The following MAML3 variants were observed in gnomAD, a reference collection of about 807,000 sequenced individuals.
The protein encoded by MAML3 is mastermind like transcriptional coactivator 3, also known as mastermind-like protein 3.
MAML3 carries 27 observed loss-of-function variants against 101.9 expected under a neutral mutation model. The ratio of observed to expected loss-of-function variants is 0.27; its 90% CI spans 0.20 to 0.37. The LOEUF is 0.37. MAML3 is among the 10% of genes least tolerant of loss of function. The pLI, the probability that MAML3 is intolerant of heterozygous loss-of-function variation, is 1.00. For synonymous variants in MAML3, 501 were observed against 555.9 expected, an observed-to-expected ratio of 0.90 and a Z score of 1.39; for missense variants, 1,316 against 1,444.9, an observed-to-expected ratio of 0.91 and a Z score of 1.45.
At chr4:139,943,213 T>C (rs1304983089) in intron 1 of MAML3, among the ~76,000 whole-genome samples, 1 of 152,192 alleles carries the variant, frequency 6.6e-6, no homozygotes, top group East Asian at 1.9e-4. Context: ...CTGCTTCTCT[T>C]ACAGAAGAGA....
At chr4:139,769,904 C>T (rs952456292) in intron 2 of MAML3, among the ~76,000 whole-genome samples, 5 of 140,562 alleles carry the variant, frequency 3.6e-5, no homozygotes, top group Admixed American at 1.5e-4. Context: ...CGTGAGCCAT[C>T]GCGCCCAGCC....
At chr4:140,009,601 A>G (rs1726515303) in intron 1 of MAML3, among the ~76,000 whole-genome samples, 1 of 152,348 alleles carries the variant, frequency 6.6e-6, no homozygotes, top group Non-Finnish European at 1.5e-5. Context: ...ACATCACTTC[A>G]CTAAATTCTC....
At position 140,020,152 on chromosome 4, in the gene MAML3, T is replaced by C. The variant is rs575780139; in HGVS notation, c.469-129185A>G. 7.2e-5 allele frequency among the ~76,000 whole-genome samples: 11 copies of C among 152,324 alleles called. No individual in the cohort carries two copies. In the South Asian group the frequency reaches 1.0e-3, roughly 14 times the overall value. Reference sequence around the variant, plus strand: ...GTTGCTGTACTGCATTTGGAAGTATTACAATGGTCATTACCTGCCCTGTTT... The same window carrying C: ...GTTGCTGTACTGCATTTGGAAGTATCACAATGGTCATTACCTGCCCTGTTT... On this transcript the variant is annotated intron_variant, in intron 1 of 4. Transcript: ENST00000509479.
intron 1 of MAML3, among the ~76,000 whole-genome samples, chr4:140,120,443 T>C (rs1317841967): frequency 6.6e-6 from 1 of 152,248 alleles, no homozygotes; most frequent in Non-Finnish European, 1.5e-5. Context: ...TCATTCTTGA[T>C]ATGATATCAT....
chr4:139,903,159 A>T (rs866487402), intron 1 of MAML3, among the ~76,000 whole-genome samples: 2 of 152,312 alleles, frequency 1.3e-5, no homozygotes, highest in Non-Finnish European at 2.9e-5. Flanking sequence ...TCTTTAAAAA[A>T]TTTTTATTTT....
intron 1 of MAML3, among the ~76,000 whole-genome samples, chr4:140,118,746 G>A (rs553247851): frequency 1.3e-5 from 2 of 152,140 alleles, no homozygotes; most frequent in Admixed American, 6.5e-5. Context: ...AAAGTATTAT[G>A]GCCCATTGGA....
In MAML3 at chr4:140,069,585, G is replaced by C. The variant is rs369408011; in HGVS notation, c.468+83275C>G. ...GAGGAGGAGGAGGGGAGGAGGAGGA[G>C]GAGGAAGAGGAGGAGGAAGAAGAAG... On this transcript the variant is annotated intron_variant, in intron 1 of 4. Coordinates refer to ENST00000509479, the MANE Select transcript of MAML3 (RefSeq NM_018717.5). 3.7e-3 allele frequency among the ~76,000 whole-genome samples: 506 copies of C among 136,748 alleles called. 3 individuals are homozygous for C. Among genetic ancestry groups the C allele is most frequent in the African/African-American group, 0.014 (485 of 35,860 alleles). 89.7% of individuals were successfully genotyped at this position (136,748 alleles called of 152,430 possible). A position where few individuals can be genotyped will look rare whatever the true frequency, so the allele number is the denominator to read the frequency against.
chr4:140,053,756 T>G (rs1303362585), intron 1 of MAML3, among the ~76,000 whole-genome samples: 1 of 152,204 alleles, frequency 6.6e-6, no homozygotes, highest in Admixed American at 6.5e-5. Context: ...AAATTTTTGG[T>G]TGGCAAAATT....
intron 2 of MAML3, among the ~76,000 whole-genome samples, chr4:139,801,351 T>C (rs193161552): frequency 3.9e-5 from 6 of 152,362 alleles, no homozygotes; most frequent in Admixed American, 3.9e-4. Flanking sequence ...GGTTTCCTTT[T>C]TCTGTTTGTT....
intron 2 of MAML3, among the ~76,000 whole-genome samples, chr4:139,854,154 T>G (rs1731612814): frequency 6.6e-6 from 1 of 152,010 alleles, no homozygotes; most frequent in African/African-American, 2.4e-5. Flanking sequence ...ATGCCTCAGT[T>G]TCTTCACCTG....
At chr4:139,853,924 C>T (rs1292762858) in intron 2 of MAML3, among the ~76,000 whole-genome samples, 3 of 151,914 alleles carry the variant, frequency 2.0e-5, no homozygotes, top group Non-Finnish European at 2.9e-5. Context: ...TGGGTTCAAG[C>T]GATTCTCTTG....
intron 1 of MAML3, among the ~76,000 whole-genome samples, chr4:140,026,366 T>C (rs1000920684): frequency 6.6e-6 from 1 of 152,196 alleles, no homozygotes; most frequent in Non-Finnish European, 1.5e-5. Context: ...GCGATTCTCA[T>C]GCTTCAGCCT....
intron 1 of MAML3, among the ~76,000 whole-genome samples, chr4:140,061,401 G>A (rs995575479): frequency 6.6e-6 from 1 of 152,152 alleles, no homozygotes; most frequent in Admixed American, 6.5e-5. Context: ...TGATACAGGA[G>A]GAAGACAGCA....
intron 1 of MAML3, among the ~76,000 whole-genome samples, chr4:140,050,578 G>A (rs552252081): frequency 1.3e-5 from 2 of 152,108 alleles, no homozygotes; most frequent in Admixed American, 6.6e-5. Context: ...TTCCACTGCC[G>A]TGGGCTCCAC....
intron 1 of MAML3, among the ~76,000 whole-genome samples, chr4:140,095,404 C>T (rs1423219575): frequency 6.6e-6 from 1 of 152,138 alleles, no homozygotes; most frequent in South Asian, 2.1e-4. Flanking sequence ...CTTTCTCTCC[C>T]ACTTGACCCC....
intron 2 of MAML3, among the ~76,000 whole-genome samples, chr4:139,799,779 A>C (rs972382866): frequency 1.3e-5 from 2 of 152,182 alleles, no homozygotes; most frequent in Non-Finnish European, 2.9e-5. Flanking sequence ...TCTGACATCA[A>C]GTGAGGAGGG....
intron 2 of MAML3, among the ~76,000 whole-genome samples, chr4:139,872,954 G>A (rs768820699): frequency 1.2e-4 from 18 of 151,982 alleles, no homozygotes; most frequent in Non-Finnish European, 1.9e-4. Flanking sequence ...GGTGGTGGGC[G>A]CCTGTAATCC....
At chr4:139,809,216 TACA>T (rs1268886584) in intron 2 of MAML3, among the ~76,000 whole-genome samples, 2 of 152,218 alleles carry the variant, frequency 1.3e-5, no homozygotes, top group African/African-American at 4.8e-5. Flanking sequence ...ATTTGGTTTC[TACA>T]CAGACAGCCA....
At chr4:139,758,921 G>T (rs1457740149) in intron 2 of MAML3, among the ~76,000 whole-genome samples, 1 of 152,190 alleles carries the variant, frequency 6.6e-6, no homozygotes, top group Non-Finnish European at 1.5e-5. Flanking sequence ...GGACCTCTGG[G>T]CATCGTGGCA....
Sources: gnomAD v4.1 joint callset for allele counts (sites outside exome capture counted in the v4.1 genomes callset) on GRCh38, gnomAD v4.1.1 for gene constraint, MANE v1.5 for transcripts, NCBI Gene and HGNC (gene_info 2026-07-23, HGNC 2026-07-21) for gene names.